Variants in ATRNL1 observed in about 807,000 individuals in gnomAD.
ATRNL1 encodes the protein attractin like 1.
Under a neutral mutation model 182.7 loss-of-function variants are expected in ATRNL1, and 95 were observed. The observed-to-expected ratio is 0.52, with a 90% CI of 0.44 to 0.62. ATRNL1 has a LOEUF of 0.62. ATRNL1 is among the 20% of genes least tolerant of loss of function. ATRNL1 has a pLI of 0.00. For synonymous variants in ATRNL1, 576 were observed against 568.3 expected, an observed-to-expected ratio of 1.01 and a Z score of -0.19; for missense variants, 1,471 against 1,679.5, an observed-to-expected ratio of 0.88 and a Z score of 2.17.
At chr10:115,276,025 C>T (rs1370885648) in intron 13 of ATRNL1, among the ~76,000 whole-genome samples, 4 of 152,022 alleles carry the variant, frequency 2.6e-5, no homozygotes, top group Admixed American at 1.3e-4. Context: ...CTTTATGTTT[C>T]GTCTATCATT....
chr10:115,654,601 G>C (rs529812077), intron 26 of ATRNL1, among the ~76,000 whole-genome samples: 8 of 152,204 alleles, frequency 5.3e-5, no homozygotes, highest in African/African-American at 1.9e-4. Flanking sequence ...TACATTTTTT[G>C]AGTAAAAATT....
At chr10:115,494,944 T>C (rs1475630773) in intron 24 of ATRNL1, among the ~76,000 whole-genome samples, 1 of 152,132 alleles carries the variant, frequency 6.6e-6, no homozygotes. Flanking sequence ...TGATATATTT[T>C]GTCTGTGAAT....
At chr10:115,850,485 C>A (rs1951029854) in intron 28 of ATRNL1, among the ~76,000 whole-genome samples, 1 of 152,122 alleles carries the variant, frequency 6.6e-6, no homozygotes, top group South Asian at 2.1e-4. Context: ...TAAAACTTCA[C>A]ATATTTGAGA....
At chr10:115,213,285 G>A (rs1849102867) in intron 8 of ATRNL1, among the ~76,000 whole-genome samples, 1 of 152,012 alleles carries the variant, frequency 6.6e-6, no homozygotes, top group Admixed American at 6.6e-5. Context: ...GTCTTGTGGT[G>A]AGATCTCTCT....
intron 10 of ATRNL1, 65 bp downstream of exon 10, chr10:115,241,790 A>G (rs557570985): frequency 1.2e-5 from 16 of 1,344,728 alleles, no homozygotes; most frequent in East Asian, 4.6e-5. Context: ...GATATTCTCA[A>G]ATACATTAAT....
rs533872301 is a variant in ATRNL1 at position 115,664,358 on chromosome 10, A to G, written c.3796-62890A>G. ...TGACACAATTATGAATCTCAAATGT[A>G]TTCTTTCTTGCTGTGCTATTAGATA... On this transcript the variant is annotated intron_variant, in intron 26 of 28. Transcript: ENST00000355044. 9.2e-5 allele frequency among the ~76,000 whole-genome samples: 14 copies of G among 152,312 alleles called. No individual in the cohort carries two copies. The East Asian group carries it at 2.5e-3, about 27-fold the overall frequency.
At chr10:115,814,851 A>G (rs1174792046) in intron 27 of ATRNL1, among the ~76,000 whole-genome samples, 2 of 152,134 alleles carry the variant, frequency 1.3e-5, no homozygotes, top group Non-Finnish European at 2.9e-5. Flanking sequence ...CAAGTTACCA[A>G]GTTTCTCTGG....
intron 26 of ATRNL1, among the ~76,000 whole-genome samples, chr10:115,631,773 C>G (rs907695020): frequency 6.6e-6 from 1 of 152,006 alleles, no homozygotes; most frequent in East Asian, 1.9e-4. Flanking sequence ...GATACTGATA[C>G]CTTCTGATAT....
intron 13 of ATRNL1, among the ~76,000 whole-genome samples, chr10:115,271,414 C>A (rs1034291978): frequency 6.6e-6 from 1 of 152,008 alleles, no homozygotes; most frequent in Admixed American, 6.6e-5. Context: ...GGTATATCTC[C>A]TAATGCTATC....
intron 26 of ATRNL1, among the ~76,000 whole-genome samples, chr10:115,578,619 G>A (rs1854872621): frequency 6.6e-6 from 1 of 151,186 alleles, no homozygotes; most frequent in Non-Finnish European, 1.5e-5. Context: ...TAATTTTAAT[G>A]TCATCTTCTC....
intron 10 of ATRNL1, among the ~76,000 whole-genome samples, chr10:115,244,030 A>G (rs1850527412): frequency 6.6e-6 from 1 of 152,124 alleles, no homozygotes; most frequent in Admixed American, 6.5e-5. Flanking sequence ...TGTCTTTCAA[A>G]ATAATTGTTT....
rs111572526 is a variant in ATRNL1, at chr10:115,741,953, T to A, written c.3903+14598T>A. Among the ~76,000 whole-genome samples the A allele has an allele frequency of 3.2e-3, 491 of 152,268 alleles. 1 individual carries two copies. The highest frequency in any genetic ancestry group is 0.011 in the African/African-American group (455 of 41,572). ...GTTTTAGAACTATTAGAATTAAGAA[T>A]AAGACTGCATGCCAAGAAGGATGGT... is the stretch of plus-strand genomic sequence containing the variant. On this transcript the variant is annotated intron_variant, in intron 27 of 28. Transcript: ENST00000355044.
intron 28 of ATRNL1, among the ~76,000 whole-genome samples, chr10:115,913,528 G>T (rs1952749321): frequency 6.6e-6 from 1 of 152,228 alleles, no homozygotes; most frequent in African/African-American, 2.4e-5. Context: ...GGGATGGTGA[G>T]CTTTTATTTG....
intron 27 of ATRNL1, among the ~76,000 whole-genome samples, chr10:115,759,470 T>C (rs1948677144): frequency 6.6e-6 from 1 of 152,052 alleles, no homozygotes; most frequent in South Asian, 2.1e-4. Context: ...CCTACCCATA[T>C]TGTCAGATGA....
chr10:115,294,700 TGGAGTA>T (rs1225705320), intron 15 of ATRNL1, among the ~76,000 whole-genome samples: 3 of 152,206 alleles, frequency 2.0e-5, no homozygotes, highest in African/African-American at 7.2e-5. Context: ...TCCAATTTTA[TGGAGTA>T]GGTTTTGTAT....
chr10:115,795,518 C>T lies in ATRNL1; in HGVS notation c.3904-52359C>T, dbSNP rs1555082723. Reference sequence around the variant, plus strand: ...GTCCGTTCTCACACTGCTATAAAGACATACCTGAGACTGCGTAATTTATAA... The same window carrying T: ...GTCCGTTCTCACACTGCTATAAAGATATACCTGAGACTGCGTAATTTATAA... On this transcript the variant is annotated intron_variant, in intron 27 of 28. Coordinates refer to ENST00000355044, the MANE Select transcript of ATRNL1 (RefSeq NM_207303.4). 2.6e-5 allele frequency among the ~76,000 whole-genome samples: 4 copies of T among 152,144 alleles called. No homozygotes were observed. In the South Asian group the frequency reaches 8.3e-4, roughly 31 times the overall value.
chr10:115,386,939 A>G (rs1174150572), intron 19 of ATRNL1, among the ~76,000 whole-genome samples: 5 of 151,064 alleles, frequency 3.3e-5, no homozygotes, highest in Admixed American at 2.0e-4. Context: ...CTTGCTATAA[A>G]TCATGCTGCT....
At chr10:115,777,540 A>G (rs1454946062) in intron 27 of ATRNL1, among the ~76,000 whole-genome samples, 1 of 152,200 alleles carries the variant, frequency 6.6e-6, no homozygotes, top group Non-Finnish European at 1.5e-5. Flanking sequence ...TAATTGACCC[A>G]AATTCCATGG....
intron 15 of ATRNL1, among the ~76,000 whole-genome samples, chr10:115,292,001 T>C (rs1393697831): frequency 6.6e-6 from 1 of 151,962 alleles, no homozygotes; most frequent in East Asian, 1.9e-4. Flanking sequence ...GACTTTTCTT[T>C]GTTGTGAGAC....
Sources: gnomAD v4.1 joint callset for allele counts (sites outside exome capture counted in the v4.1 genomes callset) on GRCh38, gnomAD v4.1.1 for gene constraint, MANE v1.5 for transcripts, NCBI Gene and HGNC (gene_info 2026-07-23, HGNC 2026-07-21) for gene names.